The following QRFPR variants were observed in gnomAD, a reference collection of about 807,000 sequenced individuals.
The protein encoded by QRFPR is pyroglutamylated RF-amide peptide receptor.
QRFPR carries 37 observed loss-of-function variants against 31.3 expected under a neutral mutation model. That is an observed-to-expected ratio of 1.18 (90% CI 0.91 to 1.56). The LOEUF (loss-of-function observed/expected upper bound fraction) is 1.56, where lower values mean the gene tolerates loss of function less well. Among genes scored for constraint, QRFPR ranks in the 40% most tolerant of loss-of-function variants. The pLI is 0.00. For synonymous variants in QRFPR, 197 were observed against 192.0 expected (o/e 1.03, Z -0.22); for missense variants, 542 against 532.5 (o/e 1.02, Z -0.18).
intron 3 of QRFPR, among the ~76,000 whole-genome samples, chr4:121,336,435 C>T (rs1234444598): frequency 1.3e-5 from 2 of 152,150 alleles, no homozygotes; most frequent in African/African-American, 4.8e-5. Context: ...TAATTTATTA[C>T]AATTTTTTTT....
At chr4:121,336,470 A>T (rs1273452465) in intron 3 of QRFPR, among the ~76,000 whole-genome samples, 1 of 152,190 alleles carries the variant, frequency 6.6e-6, no homozygotes, top group Non-Finnish European at 1.5e-5. Flanking sequence ...TAAAAGAAAA[A>T]CCTAGAGCAA....
chr4:121,369,425 G>C (rs1726190882), intron 1 of QRFPR: 2 of 794,512 alleles, frequency 2.5e-6, no homozygotes, highest in South Asian at 3.4e-5. Context: ...TGGAAAGAAA[G>C]GGCTCTAGAA....
intron 1 of QRFPR, among the ~76,000 whole-genome samples, chr4:121,362,905 G>A (rs1726019362): frequency 6.7e-6 from 1 of 150,350 alleles, no homozygotes; most frequent in South Asian, 2.1e-4. Flanking sequence ...AAATAAACTT[G>A]TAAATATATC....
chr4:121,354,342 A>T (rs1200759444), intron 1 of QRFPR, among the ~76,000 whole-genome samples: 1 of 144,474 alleles, frequency 6.9e-6, no homozygotes, highest in Non-Finnish European at 1.6e-5. Context: ...ACCCATGAAC[A>T]TGGCATATTT....
Position 121,380,186 on chromosome 4 carries a change from G to GGAGAGAGAGGGGGAGA in QRFPR, c.340+121_340+122insTCTCCCCCTCTCTCTC, listed in dbSNP as rs1553948896. 3.4e-5 allele frequency: 8 copies of GGAGAGAGAGGGGGAGA among 236,478 alleles called. 1 individual carries two copies. The allele number at this position is 236,478 out of a possible 1,614,324, so 14.6% of individuals were successfully genotyped here. ...GAGAGAGAGACAGACAGACGAGAGA[G>GGAGAGAGAGGGGGAGA]GAGAGAGAGAGAGAGAGAGAGAGAG... On this transcript the variant is annotated intron_variant, in intron 1 of 5. Transcript: ENST00000394427.
Position 121,333,036 on chromosome 4 carries a change from A to C in QRFPR, c.582T>G (p.Tyr194Ter). 6.2e-7 allele frequency: 1 copy of C among 1,610,664 alleles called. No homozygotes were observed. Among genetic ancestry groups the C allele is most frequent in the South Asian group, 1.1e-5 (1 of 90,772 alleles). Residue 194 changes from tyrosine (Y) to a stop codon, truncating the protein, a stop_gained, in exon 4 of 6, where the codon TAT becomes TAG. Coordinates refer to ENST00000394427, the MANE Select transcript of QRFPR (RefSeq NM_198179.3). LOFTEE classifies it high-confidence loss of function. ...CTAAGCAGCAGATGTGTTCCTTTTC[A>C]TATAGGAAGTCATATTTGATCTTCA... is the stretch of plus-strand genomic sequence containing the variant. ...QQLEIKYDFL[Y>*]EKEHICCLEE...
At chr4:121,362,541 A>C (rs2110479720) in intron 1 of QRFPR, among the ~76,000 whole-genome samples, 1 of 150,354 alleles carries the variant, frequency 6.7e-6, no homozygotes, top group African/African-American at 2.5e-5. Flanking sequence ...AAGAAAAATA[A>C]AGTTGGAAGG....
rs188694477 is a variant in QRFPR, at chr4:121,368,560, T to C, written c.340+11748A>G. On this transcript the variant is annotated intron_variant, in intron 1 of 5. Coordinates refer to ENST00000394427, the MANE Select transcript of QRFPR (RefSeq NM_198179.3). Reference sequence around the variant, plus strand: ...TTGCAGGACAGTGATCCATTAGGTCTACCAAAAAGCAGGGGGACTCAAGGT... The same window carrying C: ...TTGCAGGACAGTGATCCATTAGGTCCACCAAAAAGCAGGGGGACTCAAGGT... 4.0e-4 allele frequency among the ~76,000 whole-genome samples: 60 copies of C among 150,392 alleles called. 1 individual carries two copies. The highest frequency in any genetic ancestry group is 1.3e-3 in the South Asian group (6 of 4,766).
At chr4:121,361,628 A>G (rs1483854055) in intron 1 of QRFPR, among the ~76,000 whole-genome samples, 1 of 150,244 alleles carries the variant, frequency 6.7e-6, no homozygotes, top group Non-Finnish European at 1.5e-5. Flanking sequence ...GTATGTGATG[A>G]GGCCTGAGAC....
chr4:121,360,389 G>T (rs1421219784), intron 1 of QRFPR, among the ~76,000 whole-genome samples: 1 of 152,072 alleles, frequency 6.6e-6, no homozygotes, highest in East Asian at 1.9e-4. Flanking sequence ...GATTCTTCCA[G>T]TTTAGTATCC....
At chr4:121,338,171 CTT>C (rs1725468526) in intron 2 of QRFPR, among the ~76,000 whole-genome samples, 1 of 152,188 alleles carries the variant, frequency 6.6e-6, no homozygotes, top group Non-Finnish European at 1.5e-5. Context: ...CGCTCTTTCT[CTT>C]TCTCTTTTCT....
rs554246676 is a variant in QRFPR, at chr4:121,350,130, CTT to C, written c.341-9522_341-9521del. Among the ~76,000 whole-genome samples, 681 of 152,252 alleles carry C rather than the reference CTT, an allele frequency of 4.5e-3. 8 individuals are homozygous for C. The highest frequency in any genetic ancestry group is 0.016 in the African/African-American group (661 of 41,556). ...TTCATGCAAGAAACAGGCAGAGATT[CTT>C]TGTCATTTTCATTGGGTAGGGACTT... is the stretch of plus-strand genomic sequence containing the variant. On this transcript the variant is annotated intron_variant, in intron 1 of 5. Coordinates refer to ENST00000394427, the MANE Select transcript of QRFPR (RefSeq NM_198179.3).
rs573118855 is a variant in QRFPR, at chr4:121,334,800, G to C, written c.562-1744C>G. Among the ~76,000 whole-genome samples the C allele has an allele frequency of 2.5e-4, 38 of 152,314 alleles. 1 individual carries two copies. The highest frequency in any genetic ancestry group is 9.1e-4 in the African/African-American group (38 of 41,564). ...TACAAGTGAAGCAGAGAGCGGCAGT[G>C]AGAAATGCTGAAGGCAGGGTGCTTT... On this transcript the variant is annotated intron_variant, in intron 3 of 5. Coordinates refer to ENST00000394427, the MANE Select transcript of QRFPR (RefSeq NM_198179.3).
Position 121,330,509 on chromosome 4 carries a change from G to A in QRFPR, c.812C>T (p.Ala271Val), listed in dbSNP as rs763912459. 6.8e-5 allele frequency: 110 copies of A among 1,613,666 alleles called. No homozygotes were observed. In the East Asian group the frequency reaches 2.3e-3, roughly 34 times the overall value. ...MSKIARKKKR[A>V]VIMMVTVVAL... ...CACCACTGTCACCATCATAATGACA[G>A]CTCGTTTCTTCTTCCTAAACCCACA... Residue 271 changes from alanine (A) to valine (V), a missense_variant, in exon 5 of 6, where the codon GCT becomes GTT. Ala to Val is a moderately conservative substitution (Grantham distance 64). Transcript: ENST00000394427.
At chr4:121,346,580 AAG>A (rs1382773810) in intron 1 of QRFPR, among the ~76,000 whole-genome samples, 6 of 152,208 alleles carry the variant, frequency 3.9e-5, no homozygotes, top group Admixed American at 1.3e-4. Context: ...AATTTTGCAT[AAG>A]AGTGGTGAGA....
At chr4:121,333,127 A>T in intron 3 of QRFPR, 71 bp from the exon 4 acceptor site, 1 of 946,184 alleles carries the variant, frequency 1.1e-6, no homozygotes, top group East Asian at 2.4e-5. Flanking sequence ...GCCAAGTATT[A>T]TTGCAACACA....
chr4:121,350,128 T>G (rs2110474196), intron 1 of QRFPR, among the ~76,000 whole-genome samples: 1 of 152,176 alleles, frequency 6.6e-6, no homozygotes, highest in African/African-American at 2.4e-5. Context: ...CAGGCAGAGA[T>G]TCTTTGTCAT....
At chr4:121,341,810 C>T (rs542747580) in intron 1 of QRFPR, among the ~76,000 whole-genome samples, 6 of 152,232 alleles carry the variant, frequency 3.9e-5, no homozygotes, top group South Asian at 2.1e-4. Flanking sequence ...ATTTCAGAGA[C>T]GGAATACTCC....
At chr4:121,343,911 A>G (rs1216933814) in intron 1 of QRFPR, among the ~76,000 whole-genome samples, 1 of 152,158 alleles carries the variant, frequency 6.6e-6, no homozygotes, top group Non-Finnish European at 1.5e-5. Context: ...ATACACTCTG[A>G]TTCTGCTTTA....
Sources: allele counts gnomAD v4.1 joint callset (sites outside exome capture counted in the v4.1 genomes callset), GRCh38; gene constraint gnomAD v4.1.1; transcripts MANE v1.5; gene names NCBI Gene and HGNC (gene_info 2026-07-23, HGNC 2026-07-21).